The following DDX19B variants were observed in gnomAD, a reference collection of about 807,000 sequenced individuals.
DDX19B encodes the protein ATP-dependent RNA helicase DDX19B.
In DDX19B, 27 loss-of-function variants were observed where a neutral mutation model predicts 58.1. The observed-to-expected ratio is 0.46, with a 90% CI of 0.34 to 0.64. DDX19B has a LOEUF of 0.64. Ranked by LOEUF, DDX19B falls within the 30% of genes least tolerant of loss-of-function variation. DDX19B has a pLI of 0.01. For synonymous variants in DDX19B, 187 were observed against 214.4 expected, an observed-to-expected ratio of 0.87 and a Z score of 1.12; for missense variants, 399 against 596.5, an observed-to-expected ratio of 0.67 and a Z score of 3.45.
At chr16:70,329,551 T>C in intron 8 of DDX19B, 82 bp downstream of exon 8, 1 of 1,576,976 alleles carries the variant, frequency 6.3e-7, no homozygotes, top group Non-Finnish European at 8.7e-7. Context: ...CTCCTCTGGC[T>C]TCTGCCTGGG....
intron 9 of DDX19B, 63 bp from the exon 10 acceptor site, chr16:70,331,659 A>T (rs1441467850): frequency 3.2e-6 from 5 of 1,560,018 alleles, no homozygotes; most frequent in Non-Finnish European, 4.3e-6. Context: ...GCCACTTTTT[A>T]GCAGTTGTCT....
At chr16:70,320,965 T>TC (rs1000152214) in intron 5 of DDX19B, among the ~76,000 whole-genome samples, 1 of 149,020 alleles carries the variant, frequency 6.7e-6, no homozygotes, top group African/African-American at 2.5e-5. Context: ...CTAGGCTTTT[T>TC]TTTTTTTTTT....
chr16:70,292,049 G>A (rs1184513461), upstream of DDX19B, among the ~76,000 whole-genome samples: 1 of 152,122 alleles, frequency 6.6e-6, no homozygotes, highest in African/African-American at 2.4e-5. Context: ...TGCTCAAGAG[G>A]CTGAGGAAGG....
At chr16:70,297,996 C>T (rs1317368310), upstream of DDX19B, among the ~76,000 whole-genome samples, 3 of 152,202 alleles carry the variant, frequency 2.0e-5, no homozygotes, top group East Asian at 3.9e-4. Flanking sequence ...TAGGATTACA[C>T]ATGTGAGCTA....
chr16:70,291,883 C>G (rs1327312543), upstream of DDX19B, among the ~76,000 whole-genome samples: 2 of 151,926 alleles, frequency 1.3e-5, no homozygotes, highest in East Asian at 3.9e-4. Flanking sequence ...CACAGAGACT[C>G]ACACCTGTAA....
At chr16:70,333,205 G>A (rs2152216715) in intron 11 of DDX19B, 46 bp downstream of exon 11, 1 of 942,764 alleles carries the variant, frequency 1.1e-6, no homozygotes, top group African/African-American at 1.7e-5. Context: ...TTGCTAAGTA[G>A]GGCGGGGTGG....
At position 70,321,072 on chromosome 16, in the gene DDX19B, C is replaced by G. The variant is rs572057268; in HGVS notation, c.389+3484C>G. Among the ~76,000 whole-genome samples the G allele has an allele frequency of 6.0e-5, 9 of 151,162 alleles. No individual in the cohort carries two copies. In the South Asian group the frequency reaches 1.7e-3, roughly 28 times the overall value. ...CTGCCTTCCAGGTTCAAGCGATTCT[C>G]CTGCCTCCACCTCCCAAGTAGCTGG... On this transcript the variant is annotated intron_variant, in intron 5 of 11. Coordinates refer to ENST00000288071, the MANE Select transcript of DDX19B (RefSeq NM_007242.7).
chr16:70,324,120 A>G (rs1256034014), intron 5 of DDX19B, among the ~76,000 whole-genome samples: 2 of 152,050 alleles, frequency 1.3e-5, no homozygotes, highest in African/African-American at 4.8e-5. Flanking sequence ...TGCCATTATG[A>G]GGGTTTCAAC....
At chr16:70,330,781 C>T (rs538035102) in intron 9 of DDX19B, among the ~76,000 whole-genome samples, 8 of 151,808 alleles carry the variant, frequency 5.3e-5, no homozygotes, top group East Asian at 2.0e-4. Context: ...CAGTGGCTCA[C>T]GCCTGTAATC....
intron 4 of DDX19B, among the ~76,000 whole-genome samples, chr16:70,316,558 G>A (rs1369298468): frequency 6.6e-6 from 1 of 152,186 alleles, no homozygotes; most frequent in Non-Finnish European, 1.5e-5. Context: ...GTGCACACCT[G>A]TAATCCCAGC....
At chr16:70,295,495 A>G (rs201170531), upstream of DDX19B, among the ~76,000 whole-genome samples, 23 of 151,392 alleles carry the variant, frequency 1.5e-4, 1 homozygote, top group East Asian at 3.5e-3. Context: ...TATGTTGCCC[A>G]GGCTTGCATA....
At chr16:70,331,662 A>G in intron 9 of DDX19B, 60 bp from the exon 10 acceptor site, 2 of 1,564,678 alleles carry the variant, frequency 1.3e-6, no homozygotes, top group Non-Finnish European at 1.7e-6. Flanking sequence ...ACTTTTTAGC[A>G]GTTGTCTTCC....
chr16:70,320,720 A>G (rs1000162255), intron 5 of DDX19B, among the ~76,000 whole-genome samples: 1 of 146,412 alleles, frequency 6.8e-6, no homozygotes, highest in African/African-American at 2.5e-5. Context: ...TGCCCAGCTA[A>G]TTTTTTTTTT....
chr16:70,306,255 A>G (rs1961747367), intron 1 of DDX19B, among the ~76,000 whole-genome samples: 1 of 151,870 alleles, frequency 6.6e-6, no homozygotes, highest in African/African-American at 2.4e-5. Context: ...AGGCTCATGC[A>G]GTCCTCCCAC....
At chr16:70,294,523 G>C (rs929346432), upstream of DDX19B, among the ~76,000 whole-genome samples, 1 of 152,188 alleles carries the variant, frequency 6.6e-6, no homozygotes. Context: ...TGACCCACGG[G>C]GGGAGATGCT....
At chr16:70,317,749 G>A (rs959430081) in intron 5 of DDX19B, 161 bp downstream of exon 5, 4 of 480,170 alleles carry the variant, frequency 8.3e-6, no homozygotes, top group East Asian at 3.7e-5. Context: ...ACCAGCCTGG[G>A]CGATGTAGCA....
intron 4 of DDX19B, 167 bp downstream of exon 4, chr16:70,316,271 G>A (rs878910862): frequency 5.0e-5 from 45 of 904,308 alleles, no homozygotes; most frequent in East Asian, 4.2e-4. Flanking sequence ...GTGCAGTAGC[G>A]CGATCTCGGC....
chr16:70,311,778 T>C (rs55693362), intron 1 of DDX19B, among the ~76,000 whole-genome samples: 5,191 of 152,266 alleles, frequency 0.034, 299 homozygotes, highest in African/African-American at 0.12. Context: ...TACTGTGGTC[T>C]TACGGCTCTA....
At chr16:70,306,814 A>C (rs542205127) in intron 1 of DDX19B, among the ~76,000 whole-genome samples, 2 of 152,280 alleles carry the variant, frequency 1.3e-5, no homozygotes, top group South Asian at 4.1e-4. Flanking sequence ...ATCACAGTCA[A>C]TTTTAGAACA....
Sources: gnomAD v4.1 joint callset for allele counts (sites outside exome capture counted in the v4.1 genomes callset) on GRCh38, gnomAD v4.1.1 for gene constraint, MANE v1.5 for transcripts, NCBI Gene and HGNC (gene_info 2026-07-23, HGNC 2026-07-21) for gene names.